The following PRKN variants were observed in gnomAD, a reference collection of about 807,000 sequenced individuals.
PRKN encodes the protein parkin RBR E3 ubiquitin protein ligase.
PRKN carries 56 observed loss-of-function variants against 59.5 expected under a neutral mutation model. The ratio of observed to expected loss-of-function variants is 0.94; its 90% CI spans 0.76 to 1.18. PRKN has a LOEUF of 1.18. PRKN is among the 50% of genes most tolerant of loss of function. The probability of loss-of-function intolerance (pLI) is 0.00; values close to 1 mark genes in which losing one functional copy is unlikely to be tolerated. For synonymous variants in PRKN, 250 were observed against 222.1 expected (o/e 1.13, Z -1.12); for missense variants, 657 against 596.4 (o/e 1.10, Z -1.06).
chr6:162,086,851 A>C (rs1779266459), intron 4 of PRKN, among the ~76,000 whole-genome samples: 1 of 152,190 alleles, frequency 6.6e-6, no homozygotes, highest in African/African-American at 2.4e-5. Context: ...TTTTGTCTGA[A>C]TTCCAGTGAC....
rs1391385948 is a variant in PRKN at position 161,497,980 on chromosome 6, G to A, written c.1083+50874C>T. ...TTCTAAATCTGATCAAATGACGGGA[G>A]AGAGGAAACCTTTGCTTCCATGAGG... On this transcript the variant is annotated intron_variant, in intron 9 of 11. Coordinates refer to ENST00000366898, the MANE Select transcript of PRKN (RefSeq NM_004562.3). This position sits in a 1 kb window ranked among gnomAD's most constrained non-coding sequence, Gnocchi z 4.6. 6.6e-6 allele frequency among the ~76,000 whole-genome samples: 1 copy of A among 152,200 alleles called. No homozygotes were observed. The highest frequency in any genetic ancestry group is 1.9e-4 in the East Asian group (1 of 5,196).
chr6:161,543,579 G>A (rs915730014), intron 9 of PRKN, among the ~76,000 whole-genome samples: 4 of 152,140 alleles, frequency 2.6e-5, no homozygotes, highest in Non-Finnish European at 4.4e-5. Context: ...AAATTCTATC[G>A]CATTTCCTTA....
intron 8 of PRKN, among the ~76,000 whole-genome samples, chr6:161,557,947 T>A: frequency 6.6e-6 from 1 of 152,176 alleles, no homozygotes; most frequent in East Asian, 1.9e-4. Context: ...TTTTGTTACA[T>A]CTCAGCCAAA....
intron 6 of PRKN, among the ~76,000 whole-genome samples, chr6:161,945,299 G>A (rs150314587): frequency 1.3e-3 from 205 of 152,210 alleles, no homozygotes; most frequent in African/African-American, 4.7e-3. Context: ...CAGGTAATAC[G>A]GCCCGCTCAT....
intron 2 of PRKN, among the ~76,000 whole-genome samples, chr6:162,425,963 G>T (rs191771189): frequency 1.1e-4 from 17 of 152,298 alleles, no homozygotes; most frequent in Non-Finnish European, 2.4e-4. Context: ...GATTTCTAAA[G>T]CTGCAAGAGA....
chr6:161,808,606 T>C (rs1791433560), intron 6 of PRKN, among the ~76,000 whole-genome samples: 1 of 152,140 alleles, frequency 6.6e-6, no homozygotes, highest in African/African-American at 2.4e-5. Flanking sequence ...ATCTATAAAT[T>C]TGAAATTTTC....
chr6:161,357,353 C>T lies in PRKN; in HGVS notation c.1285+2735G>A, dbSNP rs539676430. On this transcript the variant is annotated intron_variant, in intron 11 of 11. Coordinates refer to ENST00000366898, the MANE Select transcript of PRKN (RefSeq NM_004562.3). This position sits in a 1 kb window ranked among gnomAD's most constrained non-coding sequence, Gnocchi z 5.5. The stretch of plus-strand genomic sequence containing the variant: ...CGGTGTGAGCCACCACTCCCAGCCT[C>T]GCTGACCACTTCTTATCTTGCAAAC... Among the ~76,000 whole-genome samples, 1 of 152,198 alleles carries T rather than the reference C, an allele frequency of 6.6e-6. No homozygotes were observed. Among genetic ancestry groups the T allele is most frequent in the East Asian group, 1.9e-4 (1 of 5,162 alleles).
chr6:162,694,236 C>CAAAAAAAAAAA (rs149337714), intron 1 of PRKN, among the ~76,000 whole-genome samples: 12 of 93,474 alleles, frequency 1.3e-4, no homozygotes, highest in Admixed American at 2.6e-4. Context: ...AACAGTGAGA[C>CAAAAAAAAAAA]AAAAAAAAAA....
chr6:162,120,674 G>T (rs876145), intron 4 of PRKN, among the ~76,000 whole-genome samples: 67,008 of 152,042 alleles, frequency 0.44, 15,166 homozygotes, highest in African/African-American at 0.55. Flanking sequence ...ACAGACATTT[G>T]CAGCAACTGG....
At chr6:162,405,606 G>C (rs529109507) in intron 2 of PRKN, among the ~76,000 whole-genome samples, 1 of 152,104 alleles carries the variant, frequency 6.6e-6, no homozygotes, top group Non-Finnish European at 1.5e-5. Context: ...TGGGGGACAC[G>C]GCCTTTAAAG....
intron 2 of PRKN, among the ~76,000 whole-genome samples, chr6:162,396,979 T>C (rs1250626959): frequency 1.3e-5 from 2 of 152,138 alleles, no homozygotes; most frequent in East Asian, 1.9e-4. Context: ...GGTGGGCCTA[T>C]CCACCTGTTT....
chr6:162,159,590 G>C (rs1782670153), intron 4 of PRKN, among the ~76,000 whole-genome samples: 4 of 152,092 alleles, frequency 2.6e-5, no homozygotes, highest in Admixed American at 1.3e-4. Context: ...TTTCTTTGTA[G>C]AAATTGACAA....
rs144074856 is a variant in PRKN, at chr6:161,377,509, G to A, written c.1167+9285C>T. On this transcript the variant is annotated intron_variant, in intron 10 of 11. Coordinates refer to ENST00000366898, the MANE Select transcript of PRKN (RefSeq NM_004562.3). This position sits in a 1 kb window ranked among gnomAD's most constrained non-coding sequence, Gnocchi z 4.2. ...GGCTGCAAGCCAAAAATGCACTGTCGCTATCCTGTAATCCTCTTTAGGGTT... is the reference window on the plus strand; with the variant it reads ...GGCTGCAAGCCAAAAATGCACTGTCACTATCCTGTAATCCTCTTTAGGGTT... Among the ~76,000 whole-genome samples, 129 of 152,338 alleles carry A rather than the reference G, an allele frequency of 8.5e-4. 2 individuals are homozygous for A. The highest frequency in any genetic ancestry group is 2.9e-3 in the African/African-American group (119 of 41,582).
chr6:162,571,543 A>G (rs1010065662), intron 1 of PRKN, among the ~76,000 whole-genome samples: 1 of 152,178 alleles, frequency 6.6e-6, no homozygotes, highest in Non-Finnish European at 1.5e-5. Flanking sequence ...GTAGGCACTC[A>G]GTGAGAAGGG....
intron 4 of PRKN, among the ~76,000 whole-genome samples, chr6:162,194,818 T>G (rs1784427799): frequency 6.6e-6 from 1 of 152,178 alleles, no homozygotes. Flanking sequence ...CCTTTCTCAC[T>G]TCTCTATCGA....
In PRKN at chr6:161,912,394, G is replaced by C. The variant is rs1248598964; in HGVS notation, c.734+60908C>G. Among the ~76,000 whole-genome samples, 3 of 151,908 alleles carry C rather than the reference G, an allele frequency of 2.0e-5. 1 individual carries two copies. In the East Asian group the frequency reaches 5.8e-4, roughly 29 times the overall value. On this transcript the variant is annotated intron_variant, in intron 6 of 11. Coordinates refer to ENST00000366898, the MANE Select transcript of PRKN (RefSeq NM_004562.3). ...GGTGGTCACCAGTAAACCATTCTTG[G>C]CAAAAGGCATGCCCCTGTACCCCCC...
At chr6:162,070,257 A>C (rs1018215857) in intron 4 of PRKN, among the ~76,000 whole-genome samples, 1 of 152,226 alleles carries the variant, frequency 6.6e-6, no homozygotes, top group African/African-American at 2.4e-5. Flanking sequence ...CATTTTCATA[A>C]GAGTATCCAT....
At chr6:162,343,559 T>C (rs1784277727) in intron 2 of PRKN, among the ~76,000 whole-genome samples, 1 of 152,202 alleles carries the variant, frequency 6.6e-6, no homozygotes, top group Admixed American at 6.5e-5. Context: ...AGGTGAAGTA[T>C]ATTGGATATC....
chr6:162,612,025 A>C (rs1293972886), intron 1 of PRKN, among the ~76,000 whole-genome samples: 1 of 141,196 alleles, frequency 7.1e-6, no homozygotes, highest in Admixed American at 7.1e-5. Flanking sequence ...CTCTACTAAA[A>C]ATACGAAAAA....
Sources: allele counts gnomAD v4.1 joint callset (sites outside exome capture counted in the v4.1 genomes callset), GRCh38; gene constraint gnomAD v4.1.1; non-coding constraint Gnocchi (gnomAD v3.1); transcripts MANE v1.5; gene names NCBI Gene and HGNC (gene_info 2026-07-23, HGNC 2026-07-21).